Variants in MKS1 observed in about 807,000 individuals in gnomAD.
MKS1 encodes the protein tectonic-like complex member MKS1.
MKS1 carries 70 observed loss-of-function variants against 83.7 expected under a neutral mutation model. The observed-to-expected ratio is 0.84, with a 90% CI of 0.69 to 1.02. MKS1 has a LOEUF of 1.02. MKS1 is among the 50% of genes least tolerant of loss of function. MKS1 has a pLI of 0.00. For synonymous variants in MKS1, 251 were observed against 273.4 expected, an observed-to-expected ratio of 0.92 and a Z score of 0.81; for missense variants, 681 against 726.9, an observed-to-expected ratio of 0.94 and a Z score of 0.73.
At position 58,208,143 on chromosome 17, in the gene MKS1, G is replaced by GT. The variant is rs2143753386; in HGVS notation, c.1126dup (p.Thr376AsnfsTer3). The GT allele has an allele frequency of 6.2e-7, 1 of 1,613,848 alleles. No individual in the cohort carries two copies. Among genetic ancestry groups the GT allele is most frequent in the Middle Eastern group, 1.6e-4 (1 of 6,062 alleles). On this transcript the variant is annotated frameshift_variant, in exon 13 of 18. Transcript: ENST00000393119. LOFTEE classifies it high-confidence loss of function. ...CTCATGGAGGAAGAAGGCTTCAAAC[G>GT]TGAATGGGTAGGAGAAGTGAGCCAC...
rs1969184476 is a variant in MKS1 at position 58,216,098 on chromosome 17, T to G, written c.407A>C (p.Asn136Thr). The G allele has an allele frequency of 1.2e-6, 2 of 1,614,186 alleles. No individual in the cohort carries two copies. The highest frequency in any genetic ancestry group is 1.7e-6 in the Non-Finnish European group (2 of 1,180,016). The change falls in exon 4 of 18, where the codon AAT (asparagine) becomes ACT (threonine). Residue 136 changes from asparagine (N) to threonine (T), a missense_variant. Asn to Thr is a moderately conservative substitution (Grantham distance 65). Coordinates refer to ENST00000393119, the MANE Select transcript of MKS1 (RefSeq NM_017777.4). ...FTYTDSDRYT[N>T]LEEHCQRMTT... ...TAGAAAGAACAATACCTCCTCCAAA[T>G]TGGTGTATCTATCAGAGTCAGTGTA... is the stretch of plus-strand genomic sequence containing the variant.
chr17:58,216,343 GCTAT>G, intron 3 of MKS1, 100 bp from the exon 4 acceptor site: 1 of 1,265,370 alleles, frequency 7.9e-7, no homozygotes, highest in East Asian at 2.3e-5. Flanking sequence ...CAGAACTGAT[GCTAT>G]CTGACATGTT....
At chr17:58,212,845 G>T in intron 8 of MKS1, 137 bp downstream of exon 8, 2 of 789,874 alleles carry the variant, frequency 2.5e-6, no homozygotes, top group South Asian at 1.4e-5. Flanking sequence ...TGATATGTCA[G>T]CAATGCTGCC....
At position 58,209,039 on chromosome 17, in the gene MKS1, A is replaced by C. The variant is rs1968710823; in HGVS notation, c.1025-456T>G. 1.3e-5 allele frequency among the ~76,000 whole-genome samples: 2 copies of C among 152,296 alleles called. No individual in the cohort carries two copies. Among genetic ancestry groups the C allele is most frequent in the South Asian group, 4.1e-4 (2 of 4,820 alleles). On this transcript the variant is annotated intron_variant, in intron 11 of 17. Transcript: ENST00000393119. This position sits in a 1 kb window ranked among gnomAD's most constrained non-coding sequence, Gnocchi z 4.1. ...GAAGAATTTTTCTTAGTACAGAACA[A>C]AATGGAGTCTCCTATGTCTACTTCT...
At chr17:58,211,927 G>A (rs1406254301) in intron 9 of MKS1, among the ~76,000 whole-genome samples, 1 of 151,708 alleles carries the variant, frequency 6.6e-6, no homozygotes, top group African/African-American at 2.4e-5. Context: ...TCTCTATGGG[G>A]TATTTTGAAA....
In MKS1 at chr17:58,214,834, C is replaced by G; in HGVS notation, c.422G>C (p.Cys141Ser). 6.2e-7 allele frequency: 1 copy of G among 1,601,768 alleles called. No homozygotes were observed. Among genetic ancestry groups the G allele is most frequent in the Non-Finnish European group, 8.5e-7 (1 of 1,178,936 alleles). Reference sequence around the variant, plus strand: ...GCTGGCTGCAGTGGTCATTCTCTGACAGTGCTGGGAAAAGCAAGCAGCCCT... The same window carrying G: ...GCTGGCTGCAGTGGTCATTCTCTGAGAGTGCTGGGAAAAGCAAGCAGCCCT... Reference protein sequence around the residue: ...SDRYTNLEEHCQRMTTAASEV... With the variant: ...SDRYTNLEEHSQRMTTAASEV... The change falls in exon 5 of 18, where the codon TGT (cysteine) becomes TCT (serine). Residue 141 changes from cysteine to serine, a missense_variant. Coordinates refer to ENST00000393119, the MANE Select transcript of MKS1 (RefSeq NM_017777.4).
chr17:58,211,062 A>T, intron 9 of MKS1, 40 bp from the exon 10 acceptor site: 1 of 1,605,650 alleles, frequency 6.2e-7, no homozygotes, highest in Non-Finnish European at 8.5e-7. Flanking sequence ...GCAGGCCTGG[A>T]GGGAATTGGC....
Position 58,206,190 on chromosome 17 carries a change from G to C in MKS1, c.1589-20C>G. On this transcript the variant is annotated intron_variant, in intron 17 of 17. Coordinates refer to ENST00000393119, the MANE Select transcript of MKS1 (RefSeq NM_017777.4). ...AGGCCTCTGTAAGGAAAGGAGATAT[G>C]CTATTTGGCTGCCATATGGTATTTC... is the stretch of plus-strand genomic sequence containing the variant. The C allele has an allele frequency of 6.2e-7, 1 of 1,614,038 alleles. No individual in the cohort carries two copies. Among genetic ancestry groups the C allele is most frequent in the Non-Finnish European group, 8.5e-7 (1 of 1,179,970 alleles).
Position 58,208,553 on chromosome 17 carries a change from G to A in MKS1, c.1055C>T (p.Ser352Leu), listed in dbSNP as rs1293609717. 2.5e-6 allele frequency: 4 copies of A among 1,614,040 alleles called. No individual in the cohort carries two copies. Among genetic ancestry groups the A allele is most frequent in the Admixed American group, 3.3e-5 (2 of 60,002 alleles). Reference sequence around the variant, plus strand: ...GGTGGTGCAGGTCTGTGTTACTCCTGAGAGCTGCTGGAATGCTGGGCTTGA... The same window carrying A: ...GGTGGTGCAGGTCTGTGTTACTCCTAAGAGCTGCTGGAATGCTGGGCTTGA... ...HWSSPAFQQL[S>L]GVTQTCTTKS... Residue 352 changes from serine to leucine, a missense_variant, in exon 12 of 18, where the codon TCA becomes TTA. Ser to Leu is a moderately radical substitution (Grantham distance 145). Coordinates refer to ENST00000393119, the MANE Select transcript of MKS1 (RefSeq NM_017777.4).
rs1360195350 is a variant in MKS1 at position 58,218,688 on chromosome 17, T to A, written c.122A>T (p.Tyr41Phe). ...CTTCCCGAGCTCGGCAGCAGGCTGA[T>A]AATGAAGAAAGTTGCTTGATGTGAT... ...QRITSSNFLH[Y>F]QPAAELGKDL... The change falls in exon 2 of 18, where the codon TAT (tyrosine) becomes TTT (phenylalanine). Residue 41 changes from tyrosine (Y) to phenylalanine (F), a missense_variant. Physicochemically the swap from Tyr to Phe is conservative, Grantham distance 22. Coordinates refer to ENST00000393119, the MANE Select transcript of MKS1 (RefSeq NM_017777.4). 6.2e-7 allele frequency: 1 copy of A among 1,613,862 alleles called. No individual in the cohort carries two copies. The highest frequency in any genetic ancestry group is 1.1e-5 in the South Asian group (1 of 91,072).
At position 58,206,491 on chromosome 17, in the gene MKS1, G is replaced by C. The variant is rs758937277; in HGVS notation, c.1464C>G (p.Phe488Leu). 2 of 1,614,144 alleles carry C rather than the reference G, an allele frequency of 1.2e-6. No individual in the cohort carries two copies. The highest frequency in any genetic ancestry group is 1.1e-5 in the South Asian group (1 of 91,082). ...TGGACTGCTGCAGACAGTGCAAGCG[G>C]AAGGTGACAGTGCCTGTGGTCTCTG... ...LRTETTGTVT[F>L]RLHCLQQSRA... The change falls in exon 16 of 18, where the codon TTC (phenylalanine) becomes TTG (leucine). Residue 488 changes from phenylalanine to leucine, a missense_variant. Around this residue, in one of 3 missense-constraint regions of MKS1, gnomAD observed 310 missense variants for 321.7 expected, o/e 0.96. Transcript: ENST00000393119.
In MKS1 at chr17:58,216,561, A is replaced by G. The variant is rs535332309; in HGVS notation, c.261+105T>C. Reference sequence around the variant, plus strand: ...CTTTAAACACAACAGGGGAAAGTATAAACTGTTACAACCTGTCTGGAAATC... The same window carrying G: ...CTTTAAACACAACAGGGGAAAGTATGAACTGTTACAACCTGTCTGGAAATC... On this transcript the variant is annotated intron_variant, in intron 3 of 17. Coordinates refer to ENST00000393119, the MANE Select transcript of MKS1 (RefSeq NM_017777.4). The G allele has an allele frequency of 2.9e-5, 37 of 1,268,582 alleles. No homozygotes were observed. The African/African-American group carries it at 4.0e-4, about 14-fold the overall frequency. The allele number at this position is 1,268,582 out of a possible 1,614,324, so 78.6% of individuals were successfully genotyped here. A position where few individuals can be genotyped will look rare whatever the true frequency, so the allele number is the denominator to read the frequency against.
intron 12 of MKS1, 149 bp downstream of exon 12, chr17:58,208,364 G>T: frequency 9.9e-7 from 1 of 1,008,170 alleles, no homozygotes; most frequent in Non-Finnish European, 1.5e-6. Context: ...CAGGATCTCC[G>T]GACCAGGTGG....
chr17:58,211,547 A>G (rs1222917348), intron 9 of MKS1, among the ~76,000 whole-genome samples: 1 of 152,180 alleles, frequency 6.6e-6, no homozygotes, highest in African/African-American at 2.4e-5. Flanking sequence ...ACAGCACAAC[A>G]GAATAGCTGA....
At chr17:58,218,512 T>A in intron 2 of MKS1, 108 bp downstream of exon 2, 8 of 497,838 alleles carry the variant, frequency 1.6e-5, no homozygotes, top group African/African-American at 4.2e-5. Context: ...GCCGGGCAAC[T>A]CTATAACATA....
intron 1 of MKS1, 40 bp downstream of exon 1, chr17:58,219,111 A>G (rs1567808920): frequency 6.5e-7 from 1 of 1,548,888 alleles, no homozygotes. Flanking sequence ...ATCTAAGGAC[A>G]CAAAAGCATG....
intron 3 of MKS1, 103 bp from the exon 4 acceptor site, chr17:58,216,346 A>G: frequency 1.6e-6 from 2 of 1,289,686 alleles, no homozygotes; most frequent in Non-Finnish European, 2.2e-6. Context: ...AACTGATGCT[A>G]TCTGACATGT....
chr17:58,215,866 C>A (rs1047611698), intron 4 of MKS1: 2 of 574,584 alleles, frequency 3.5e-6, no homozygotes, highest in African/African-American at 3.7e-5. Flanking sequence ...GGCAGCTCCC[C>A]CAGGCCCTCT....
At position 58,208,133 on chromosome 17, in the gene MKS1, G is replaced by A; in HGVS notation, c.1137C>T (p.Ala379=). ...AAGATTCATCCTCATGGAGGAAGAA[G>A]GCTTCAAACGTGAATGGGTAGGAGA... ...AHFSYPFTFE[A]FFLHEDESSD... is the part of the protein sequence containing the mutation. The change falls in exon 13 of 18, where the codon GCC becomes GCT. Residue 379 remains alanine, a synonymous_variant. Coordinates refer to ENST00000393119, the MANE Select transcript of MKS1 (RefSeq NM_017777.4). 7 of 1,613,978 alleles carry A rather than the reference G, an allele frequency of 4.3e-6. No homozygotes were observed. The highest frequency in any genetic ancestry group is 5.9e-6 in the Non-Finnish European group (7 of 1,179,820).
Sources: allele counts gnomAD v4.1 joint callset (sites outside exome capture counted in the v4.1 genomes callset), GRCh38; gene constraint gnomAD v4.1.1; regional missense constraint gnomAD v4.1.1; non-coding constraint Gnocchi (gnomAD v3.1); transcripts MANE v1.5; gene names NCBI Gene and HGNC (gene_info 2026-07-23, HGNC 2026-07-21).